DST: variants seen among roughly 807,000 people sequenced by gnomAD.
The protein encoded by DST is dystonin, also known as bullous pemphigoid antigen.
In DST, 253 loss-of-function variants were observed where a neutral mutation model predicts 875.2. The ratio of observed to expected loss-of-function variants is 0.29; its 90% confidence interval spans 0.26 to 0.32. The LOEUF is 0.32. Ranked by LOEUF, DST falls within the 10% of genes least tolerant of loss-of-function variation. The probability of loss-of-function intolerance (pLI) is 1.00; values close to 1 mark genes in which losing one functional copy is unlikely to be tolerated. For missense variants in DST, 8,287 were observed against 9,111.6 expected (o/e 0.91, Z 3.68); for synonymous variants, 3,124 against 3,197.1 (o/e 0.98, Z 0.77).
intron 2 of DST, among the ~76,000 whole-genome samples, chr6:56,915,399 G>A (rs1003178056): frequency 5.3e-5 from 8 of 152,140 alleles, no homozygotes. Flanking sequence ...TTCACACTAA[G>A]CAAAGGCCAG....
At chr6:56,523,446 T>G (rs2096742368) in intron 69 of DST, among the ~76,000 whole-genome samples, 1 of 152,166 alleles carries the variant, frequency 6.6e-6, no homozygotes, top group African/African-American at 2.4e-5. Context: ...AGAAGGTATC[T>G]GTATGTTCCC....
intron 4 of DST, among the ~76,000 whole-genome samples, chr6:56,819,143 A>C (rs1407264425): frequency 6.6e-6 from 1 of 152,230 alleles, no homozygotes; most frequent in Non-Finnish European, 1.5e-5. Flanking sequence ...AGGAGCTGTC[A>C]GCACCAGAAA....
chr6:56,497,029 G>C (rs1254181368), intron 82 of DST, among the ~76,000 whole-genome samples: 1 of 152,040 alleles, frequency 6.6e-6, no homozygotes, highest in African/African-American at 2.4e-5. Context: ...TCAGGGGAGG[G>C]GGGACAGATA....
rs1435057851 is a variant in DST, at chr6:56,528,795, T to G, written c.17680+46A>C. 6 of 1,294,660 alleles carry G rather than the reference T, an allele frequency of 4.6e-6. No homozygotes were observed. The East Asian group carries it at 1.5e-4, about 32-fold the overall frequency. 80.2% of individuals were successfully genotyped at this position (1,294,660 alleles called of 1,614,324 possible). A position where few individuals can be genotyped will look rare whatever the true frequency, so the allele number is the denominator to read the frequency against. On this transcript the variant is annotated intron_variant, in intron 67 of 103. Coordinates refer to ENST00000680361, the MANE Select transcript of DST (RefSeq NM_001374736.1). ...CATCCCTAAAATATTTTGAAAACAA[T>G]ATAAAATGCTGACCACATGATGATT...
chr6:56,925,560 T>C (rs1172831863), intron 2 of DST, among the ~76,000 whole-genome samples: 1 of 152,230 alleles, frequency 6.6e-6, no homozygotes, highest in Non-Finnish European at 1.5e-5. Context: ...GTTTATACAG[T>C]TCAGAATAAT....
chr6:56,646,107 G>C lies in DST; in HGVS notation c.1630C>G (p.Arg544Gly). ...CTTACCTCTAATAATTTATATAGAC[G>C]TTTAATTTTTGATTTTTCTGTCTCC... ...PKETEKSKIK[R>G]LYKLLEIWIE... The change falls in exon 14 of 104, where the codon CGT becomes GGT. Residue 544 changes from arginine (R) to glycine (G), a missense_variant. Around this residue, in one of 10 missense-constraint regions of DST, gnomAD observed 1,160 missense variants for 1,424.3 expected, o/e 0.81. Transcript: ENST00000680361. 6.5e-7 allele frequency: 1 copy of C among 1,546,504 alleles called. No homozygotes were observed. Among genetic ancestry groups the C allele is most frequent in the Non-Finnish European group, 8.8e-7 (1 of 1,138,356 alleles).
At chr6:56,918,513 T>C (rs376027324) in intron 2 of DST, among the ~76,000 whole-genome samples, 2 of 152,240 alleles carry the variant, frequency 1.3e-5, no homozygotes, top group East Asian at 1.9e-4. Flanking sequence ...TTTAATTTTT[T>C]TCCAGTATAA....
At chr6:56,569,821 A>T in intron 54 of DST, 35 bp downstream of exon 54, 2 of 1,566,144 alleles carry the variant, frequency 1.3e-6, no homozygotes. Flanking sequence ...TTATTGACAC[A>T]AATGGAAATT....
At chr6:56,584,383 G>C (rs1476482145) in intron 49 of DST, among the ~76,000 whole-genome samples, 1 of 152,006 alleles carries the variant, frequency 6.6e-6, no homozygotes, top group East Asian at 1.9e-4. Context: ...CTCATGATTT[G>C]GCTCTCTGTT....
intron 83 of DST, 77 bp from the exon 84 acceptor site, chr6:56,493,166 G>T: frequency 7.5e-7 from 1 of 1,333,746 alleles, no homozygotes; most frequent in Middle Eastern, 1.9e-4. Context: ...AATATTCTCT[G>T]GCAGATTCCT....
chr6:56,897,885 C>T (rs979419934), intron 3 of DST, among the ~76,000 whole-genome samples: 3 of 152,114 alleles, frequency 2.0e-5, no homozygotes, highest in Non-Finnish European at 4.4e-5. Context: ...CCCTCAGGCA[C>T]CATCCTTGTG....
intron 2 of DST, among the ~76,000 whole-genome samples, chr6:56,914,433 C>T (rs778849223): frequency 3.9e-5 from 6 of 152,130 alleles, no homozygotes; most frequent in Admixed American, 6.5e-5. Context: ...TGTCACATCC[C>T]GTCCCCCAGG....
At position 56,530,000 on chromosome 6, in the gene DST, G is replaced by T; in HGVS notation, c.17242C>A (p.Leu5748Ile). 1 of 1,613,368 alleles carries T rather than the reference G, an allele frequency of 6.2e-7. No individual in the cohort carries two copies. Among genetic ancestry groups the T allele is most frequent in the South Asian group, 1.1e-5 (1 of 91,048 alleles). Residue 5748 changes from leucine (L) to isoleucine (I), a missense_variant, in exon 65 of 104, where the codon CTT becomes ATT. By Grantham distance (5) the Leu-to-Ile change is conservative. Around this residue, in one of 10 missense-constraint regions of DST, gnomAD observed 777 missense variants for 764.8 expected, o/e 1.02. Coordinates refer to ENST00000680361, the MANE Select transcript of DST (RefSeq NM_001374736.1). Reference protein sequence around the residue: ...CEPIGTQASKLEEQIAQHKAL... With the variant: ...CEPIGTQASKIEEQIAQHKAL... ...TTGTGCTGTGCAATTTGTTCCTCAA[G>T]TTTAGATGCTTGGGTTCCTATGGGT...
intron 4 of DST, among the ~76,000 whole-genome samples, chr6:56,744,736 C>T (rs2099567680): frequency 6.6e-6 from 1 of 152,116 alleles, no homozygotes; most frequent in Admixed American, 6.6e-5. Flanking sequence ...ACAGCACTGC[C>T]TCACTCTAGT....
chr6:56,779,182 CT>C (rs2099686453), intron 4 of DST, among the ~76,000 whole-genome samples: 2 of 152,030 alleles, frequency 1.3e-5, no homozygotes, highest in Non-Finnish European at 2.9e-5. Flanking sequence ...TAAACGTCTT[CT>C]TTTGAGAAGT....
intron 10 of DST, among the ~76,000 whole-genome samples, chr6:56,658,553 T>C (rs1257567639): frequency 6.6e-6 from 1 of 152,162 alleles, no homozygotes; most frequent in South Asian, 2.1e-4. Flanking sequence ...TTGTGAAACT[T>C]AGTATAAAGG....
intron 36 of DST, chr6:56,619,903 C>CTT (rs2098671418): frequency 1.2e-6 from 2 of 1,613,970 alleles, no homozygotes; most frequent in African/African-American, 2.7e-5. Context: ...CTTGTTCAGC[C>CTT]TTTCTATTGG....
intron 3 of DST, chr6:56,852,012 A>C: frequency 7.0e-7 from 1 of 1,437,066 alleles, no homozygotes; most frequent in Non-Finnish European, 9.1e-7. Flanking sequence ...CCTGCTGCTT[A>C]ATTCATCAAT....
chr6:56,470,066 G>A lies in DST; in HGVS notation c.22476+62C>T, dbSNP rs534660121. 3.1e-6 allele frequency: 5 copies of A among 1,602,332 alleles called. No individual in the cohort carries two copies. In the East Asian group the frequency reaches 1.1e-4, roughly 36 times the overall value. On this transcript the variant is annotated intron_variant, in intron 96 of 103. Transcript: ENST00000680361. Reference sequence around the variant, plus strand: ...TGAAAATAAAATGGTTGTATGAATTGTGCATGATATCGTGGCAGAACATAC... The same window carrying A: ...TGAAAATAAAATGGTTGTATGAATTATGCATGATATCGTGGCAGAACATAC...
Sources: gnomAD v4.1 joint callset for allele counts (sites outside exome capture counted in the v4.1 genomes callset) on GRCh38, gnomAD v4.1.1 for gene constraint, gnomAD v4.1.1 regional missense constraint, MANE v1.5 for transcripts, NCBI Gene and HGNC (gene_info 2026-07-23, HGNC 2026-07-21) for gene names.